Variants in NELL1 observed in about 807,000 individuals in gnomAD.
NELL1 encodes protein kinase C-binding protein NELL1.
A neutral mutation model predicts 107.4 loss-of-function variants in NELL1; 76 were observed. The ratio of observed to expected loss-of-function variants is 0.71; its 90% CI spans 0.59 to 0.86. The LOEUF (loss-of-function observed/expected upper bound fraction) is 0.86, where lower values mean the gene tolerates loss of function less well. Among genes scored for constraint, NELL1 ranks in the 40% least tolerant of loss-of-function variants. The pLI is 0.00. For missense variants in NELL1, 1,024 were observed against 1,005.5 expected (o/e 1.02, Z -0.25); for synonymous variants, 353 against 341.2 (o/e 1.03, Z -0.38).
intron 13 of NELL1, among the ~76,000 whole-genome samples, chr11:21,114,325 A>C (rs1855180176): frequency 6.6e-6 from 1 of 152,024 alleles, no homozygotes; most frequent in African/African-American, 2.4e-5. Flanking sequence ...ACATACAGAC[A>C]TGAACAGTAA....
intron 2 of NELL1, among the ~76,000 whole-genome samples, chr11:20,754,639 C>T (rs750884693): frequency 2.0e-5 from 3 of 152,144 alleles, no homozygotes; most frequent in Admixed American, 6.5e-5. Flanking sequence ...ATTCATTTCA[C>T]TAACATTTTA....
chr11:21,073,280 G>C (rs1292832096), intron 12 of NELL1, among the ~76,000 whole-genome samples: 1 of 152,064 alleles, frequency 6.6e-6, no homozygotes, highest in Non-Finnish European at 1.5e-5. Context: ...TCAGTGCCTG[G>C]AGATTTTAAA....
At chr11:20,692,331 T>G (rs1854490238) in intron 2 of NELL1, among the ~76,000 whole-genome samples, 1 of 152,152 alleles carries the variant, frequency 6.6e-6, no homozygotes, top group African/African-American at 2.4e-5. Flanking sequence ...CTGCTAGCTT[T>G]TGAATGTGTT....
chr11:21,534,498 C>A lies in NELL1; in HGVS notation c.1770C>A (p.Ser590=). 1 of 1,613,708 alleles carries A rather than the reference C, an allele frequency of 6.2e-7. No individual in the cohort carries two copies. The highest frequency in any genetic ancestry group is 8.5e-7 in the Non-Finnish European group (1 of 1,179,788). ...GFHDDGTYSL[S]GESCIDIDEC... ...ATGACGATGGGACCTATTCACTGTC[C>A]GGGGAGTCCTGTATTGGTAAGCAGC... The change falls in exon 16 of 20, where the codon TCC becomes TCA. Residue 590 remains serine (S), a synonymous_variant. Transcript: ENST00000357134.
At chr11:20,951,241 A>C (rs1242057315) in intron 11 of NELL1, among the ~76,000 whole-genome samples, 1 of 152,074 alleles carries the variant, frequency 6.6e-6, no homozygotes, top group Non-Finnish European at 1.5e-5. Context: ...GTTAAAACCC[A>C]TTTTTCTGAG....
At chr11:21,524,844 C>A (rs976710938) in intron 15 of NELL1, among the ~76,000 whole-genome samples, 8 of 151,978 alleles carry the variant, frequency 5.3e-5, no homozygotes, top group Non-Finnish European at 1.2e-4. Flanking sequence ...TCATAGCAGT[C>A]AAATTTCAAT....
chr11:21,574,937 C>G, intron 19 of NELL1, 35 bp from the exon 20 acceptor site: 1 of 1,588,816 alleles, frequency 6.3e-7, no homozygotes, highest in Non-Finnish European at 8.6e-7. Context: ...TATTCCATGT[C>G]TCAACTGGCT....
chr11:21,324,661 C>G (rs1446185057), intron 14 of NELL1, among the ~76,000 whole-genome samples: 2 of 152,016 alleles, frequency 1.3e-5, no homozygotes, highest in African/African-American at 2.4e-5. Context: ...AAAGGCTGCT[C>G]TCAAGCACCT....
chr11:21,368,993 C>T (rs1000870003), intron 14 of NELL1, among the ~76,000 whole-genome samples: 1 of 152,016 alleles, frequency 6.6e-6, no homozygotes, highest in Non-Finnish European at 1.5e-5. Context: ...TCATAAAACC[C>T]TCCACTGTAT....
chr11:21,439,035 G>A (rs142323726), intron 15 of NELL1, among the ~76,000 whole-genome samples: 1,637 of 149,782 alleles, frequency 0.011, 73 homozygotes, highest in Admixed American at 0.078. Flanking sequence ...GTAAAGCTTA[G>A]AGTTGAGGTA....
In NELL1 at chr11:21,064,463, C is replaced by T. The variant is rs143506269; in HGVS notation, c.1301-49126C>T. ...TTTGGATATGTTTTGAAGCTAGAGCCGATAGGATTTCCTCCGAAATTGAAA... is the reference window on the plus strand; with the variant it reads ...TTTGGATATGTTTTGAAGCTAGAGCTGATAGGATTTCCTCCGAAATTGAAA... On this transcript the variant is annotated intron_variant, in intron 12 of 19. Transcript: ENST00000357134. Among the ~76,000 whole-genome samples, 806 of 152,146 alleles carry T rather than the reference C, an allele frequency of 5.3e-3. 2 individuals are homozygous for T. Among genetic ancestry groups the T allele is most frequent in the Admixed American group, 0.01 (155 of 15,274 alleles).
At chr11:20,853,024 C>T (rs935997935) in intron 4 of NELL1, among the ~76,000 whole-genome samples, 8 of 152,164 alleles carry the variant, frequency 5.3e-5, no homozygotes, top group African/African-American at 1.7e-4. Context: ...AATTTCTTAC[C>T]AGCCTAGGTG....
chr11:21,312,693 C>G (rs1849775421), intron 14 of NELL1, among the ~76,000 whole-genome samples: 1 of 152,140 alleles, frequency 6.6e-6, no homozygotes, highest in African/African-American at 2.4e-5. Flanking sequence ...AGTACATGTT[C>G]TTGCCCAGTA....
chr11:20,724,790 A>G (rs2133913796), intron 2 of NELL1, among the ~76,000 whole-genome samples: 1 of 152,310 alleles, frequency 6.6e-6, no homozygotes, highest in Non-Finnish European at 1.5e-5. Flanking sequence ...TCTTTATAGC[A>G]GTACCCCACT....
intron 12 of NELL1, among the ~76,000 whole-genome samples, chr11:20,961,078 A>G (rs1851280338): frequency 1.3e-5 from 2 of 152,132 alleles, no homozygotes; most frequent in South Asian, 2.1e-4. Context: ...AGTCACAGTA[A>G]TGGAGGGACT....
intron 13 of NELL1, among the ~76,000 whole-genome samples, chr11:21,224,755 G>C (rs1053599147): frequency 3.3e-5 from 5 of 152,094 alleles, no homozygotes; most frequent in Non-Finnish European, 5.9e-5. Flanking sequence ...CTCAATTAAA[G>C]TTTTATTTCA....
intron 16 of NELL1, among the ~76,000 whole-genome samples, chr11:21,558,161 C>T (rs1856766536): frequency 6.6e-6 from 1 of 151,876 alleles, no homozygotes; most frequent in Non-Finnish European, 1.5e-5. Flanking sequence ...TGATACCTCA[C>T]CTCATTCCCT....
chr11:20,871,631 CA>C (rs1849199283), intron 4 of NELL1, among the ~76,000 whole-genome samples: 1 of 91,668 alleles, frequency 1.1e-5, no homozygotes, highest in African/African-American at 2.8e-5. Context: ...ACTACTTTCT[CA>C]TTTTTTTTTT....
intron 2 of NELL1, among the ~76,000 whole-genome samples, chr11:20,753,226 G>A (rs1027494149): frequency 2.0e-5 from 3 of 152,136 alleles, no homozygotes; most frequent in Non-Finnish European, 4.4e-5. Flanking sequence ...GAGAGTGAGG[G>A]ATGTGCTAAT....
Sources: allele counts gnomAD v4.1 joint callset (sites outside exome capture counted in the v4.1 genomes callset), GRCh38; gene constraint gnomAD v4.1.1; transcripts MANE v1.5; gene names NCBI Gene and HGNC (gene_info 2026-07-23, HGNC 2026-07-21).